The following CDH13 variants were observed in gnomAD, a reference collection of about 807,000 sequenced individuals.
The protein encoded by CDH13 is cadherin-13.
Under a neutral mutation model 63.8 loss-of-function variants are expected in CDH13, and 24 were observed. That is an observed-to-expected ratio of 0.38 (90% CI 0.27 to 0.53). CDH13 has a LOEUF of 0.53. Ranked by LOEUF, CDH13 falls within the 20% of genes least tolerant of loss-of-function variation. The probability of loss-of-function intolerance (pLI) is 0.85; values close to 1 mark genes in which losing one functional copy is unlikely to be tolerated. For missense variants in CDH13, 1,049 were observed against 903.1 expected, an observed-to-expected ratio of 1.16 and a Z score of -2.07; for synonymous variants, 503 against 355.3, an observed-to-expected ratio of 1.42 and a Z score of -4.67.
In CDH13 at chr16:82,757,734, C is replaced by T. The variant is rs541780682; in HGVS notation, c.46-100628C>T. Among the ~76,000 whole-genome samples, 4 of 151,510 alleles carry T rather than the reference C, an allele frequency of 2.6e-5. No individual in the cohort carries two copies. In the South Asian group the frequency reaches 8.4e-4, roughly 32 times the overall value. The stretch of plus-strand genomic sequence containing the variant: ...TCTTGGTTCACTGCAACCTCTGCAG[C>T]GGATTCAAGCGATTATCCTGGCTCA... On this transcript the variant is annotated intron_variant, in intron 1 of 13. Coordinates refer to ENST00000567109, the MANE Select transcript of CDH13 (RefSeq NM_001257.5).
At chr16:82,970,646 G>A (rs896095961) in intron 2 of CDH13, among the ~76,000 whole-genome samples, 4 of 117,194 alleles carry the variant, frequency 3.4e-5, no homozygotes, top group East Asian at 2.9e-4. Flanking sequence ...TGATCCACCC[G>A]CCTCGGCCTC....
chr16:82,888,488 C>T (rs986706055), intron 2 of CDH13, among the ~76,000 whole-genome samples: 22 of 152,208 alleles, frequency 1.4e-4, no homozygotes, highest in African/African-American at 4.3e-4. Context: ...GTCCCTGCTG[C>T]CTCTGGCAGC....
At chr16:82,970,270 A>C (rs917717558) in intron 2 of CDH13, among the ~76,000 whole-genome samples, 3 of 147,802 alleles carry the variant, frequency 2.0e-5, no homozygotes, top group Non-Finnish European at 4.4e-5. Context: ...ATCCTTTTTT[A>C]TGGCTGCATA....
intron 4 of CDH13, among the ~76,000 whole-genome samples, chr16:83,209,981 G>A (rs1367081971): frequency 2.0e-5 from 3 of 152,116 alleles, no homozygotes; most frequent in Admixed American, 2.0e-4. Flanking sequence ...CTTCGGACTG[G>A]AGAAGCAGGT....
chr16:83,588,312 T>C (rs936158889), intron 7 of CDH13, among the ~76,000 whole-genome samples: 5 of 152,198 alleles, frequency 3.3e-5, no homozygotes, highest in Non-Finnish European at 7.3e-5. Context: ...ACCTGTAACA[T>C]CTGCAGACCA....
At chr16:83,359,564 C>G (rs1597828141) in intron 6 of CDH13, among the ~76,000 whole-genome samples, 1 of 152,180 alleles carries the variant, frequency 6.6e-6, no homozygotes, top group African/African-American at 2.4e-5. Context: ...ATTTGAGCCT[C>G]TATTTCCTCT....
intron 2 of CDH13, among the ~76,000 whole-genome samples, chr16:82,887,066 C>A (rs2040912938): frequency 6.6e-6 from 1 of 152,090 alleles, no homozygotes; most frequent in Non-Finnish European, 1.5e-5. Flanking sequence ...ACCCTAGAAG[C>A]CTCCTTTTAA....
chr16:83,735,318 T>C (rs1310417741), intron 10 of CDH13: 3 of 152,248 alleles, frequency 2.0e-5, no homozygotes, highest in African/African-American at 7.2e-5. Context: ...AATCACTCTT[T>C]CGAAGCAGTT....
chr16:83,100,770 C>T (rs2034436635), intron 3 of CDH13, among the ~76,000 whole-genome samples: 2 of 152,124 alleles, frequency 1.3e-5, no homozygotes, highest in South Asian at 4.1e-4. Flanking sequence ...ACAGCCATCC[C>T]CTTAGGGTAT....
chr16:83,540,146 T>C (rs919782830), intron 7 of CDH13, among the ~76,000 whole-genome samples: 1 of 151,058 alleles, frequency 6.6e-6, no homozygotes, highest in Admixed American at 6.6e-5. Context: ...CTAACTTCAA[T>C]CTCCGCCTCC....
At chr16:83,669,683 T>C (rs865963081) in intron 8 of CDH13, among the ~76,000 whole-genome samples, 1 of 152,220 alleles carries the variant, frequency 6.6e-6, no homozygotes, top group Non-Finnish European at 1.5e-5. Context: ...AGGTTTATGA[T>C]TAATGATTTC....
At chr16:83,214,782 G>A (rs1235432812) in intron 4 of CDH13, among the ~76,000 whole-genome samples, 1 of 152,016 alleles carries the variant, frequency 6.6e-6, no homozygotes, top group Non-Finnish European at 1.5e-5. Context: ...GCAATGCTGG[G>A]AAGTAAGTGG....
chr16:83,284,930 T>C (rs2089271348), intron 5 of CDH13, among the ~76,000 whole-genome samples: 1 of 152,214 alleles, frequency 6.6e-6, no homozygotes, highest in Non-Finnish European at 1.5e-5. Flanking sequence ...TTGAGCTGGT[T>C]ACAGCTGTTT....
At chr16:83,586,907 G>C (rs965771117) in intron 7 of CDH13, among the ~76,000 whole-genome samples, 13 of 152,126 alleles carry the variant, frequency 8.5e-5, no homozygotes, top group African/African-American at 2.9e-4. Flanking sequence ...AGATGATTTA[G>C]AATTAGTTCA....
intron 7 of CDH13, among the ~76,000 whole-genome samples, chr16:83,513,103 A>T (rs938633837): frequency 6.6e-6 from 1 of 152,206 alleles, no homozygotes; most frequent in Admixed American, 6.5e-5. Flanking sequence ...AAAACAATTC[A>T]AGAATTGTCT....
chr16:82,933,147 G>A (rs2042553473), intron 2 of CDH13, among the ~76,000 whole-genome samples: 1 of 152,096 alleles, frequency 6.6e-6, no homozygotes, highest in African/African-American at 2.4e-5. Context: ...TTCTCATGCA[G>A]CCATGAAGAC....
chr16:82,707,514 T>C (rs1415157329), intron 1 of CDH13, among the ~76,000 whole-genome samples: 8 of 152,162 alleles, frequency 5.3e-5, no homozygotes, highest in Admixed American at 5.2e-4. Context: ...GCAAAATATT[T>C]TTCCTTATTT....
intron 1 of CDH13, among the ~76,000 whole-genome samples, chr16:82,755,127 G>C (rs1382650579): frequency 6.6e-6 from 1 of 152,212 alleles, no homozygotes; most frequent in Non-Finnish European, 1.5e-5. Flanking sequence ...AATATATGCA[G>C]TGTTCTCTTT....
chr16:82,744,086 C>T (rs2034053828), intron 1 of CDH13, among the ~76,000 whole-genome samples: 1 of 152,260 alleles, frequency 6.6e-6, no homozygotes, highest in South Asian at 2.1e-4. Context: ...TCTTCGCCTC[C>T]AAGAAGTCTG....
Sources: gnomAD v4.1 joint callset for allele counts (sites outside exome capture counted in the v4.1 genomes callset) on GRCh38, gnomAD v4.1.1 for gene constraint, MANE v1.5 for transcripts, NCBI Gene and HGNC (gene_info 2026-07-23, HGNC 2026-07-21) for gene names.